PON3: variants seen among roughly 807,000 people sequenced by gnomAD.
PON3 encodes paraoxonase 3, also known as serum paraoxonase/lactonase 3.
In PON3, 37 loss-of-function variants were observed where a neutral mutation model predicts 36.3. The observed-to-expected ratio is 1.02, with a 90% CI of 0.78 to 1.34. The LOEUF is 1.34. PON3 is among the 40% of genes most tolerant of loss of function. The pLI, the probability that PON3 is intolerant of heterozygous loss-of-function variation, is 0.00. For synonymous variants in PON3, 155 were observed against 154.8 expected, an observed-to-expected ratio of 1.00 and a Z score of -0.01; for missense variants, 415 against 426.5, an observed-to-expected ratio of 0.97 and a Z score of 0.24.
chr7:95,385,096 C>T (rs906204859), intron 3 of PON3, among the ~76,000 whole-genome samples: 33 of 152,100 alleles, frequency 2.2e-4, no homozygotes, highest in African/African-American at 7.7e-4. Flanking sequence ...AGCAAACTAT[C>T]GCAAGGACAA....
intron 3 of PON3, 133 bp downstream of exon 3, chr7:95,390,021 T>C (rs1337813448): frequency 1.0e-6 from 1 of 1,004,036 alleles, no homozygotes. Flanking sequence ...TGTTTTGGCT[T>C]TTTTAGTTGA....
Position 95,372,225 on chromosome 7 carries a change from T to C in PON3, c.315A>G (p.Gly105=), listed in dbSNP as rs769354392. The C allele has an allele frequency of 6.2e-7, 1 of 1,613,900 alleles. No individual in the cohort carries two copies. Among genetic ancestry groups the C allele is most frequent in the East Asian group, 2.2e-5 (1 of 44,858 alleles). The change falls in exon 4 of 9, where the codon GGA becomes GGG. Residue 105 remains glycine (G), a synonymous_variant. Transcript: ENST00000265627. ...PRAQALEISG[G]FDKELFNPHG... is the part of the protein sequence containing the mutation. ...GTGGATTAAATAATTCTTTGTCAAATCCACCACTGATTTCTAGCGCTTGTG... is the reference window on the plus strand; with the variant it reads ...GTGGATTAAATAATTCTTTGTCAAACCCACCACTGATTTCTAGCGCTTGTG...
intron 3 of PON3, among the ~76,000 whole-genome samples, chr7:95,387,240 T>A (rs572422230): frequency 2.0e-5 from 3 of 152,284 alleles, no homozygotes; most frequent in Admixed American, 6.5e-5. Context: ...GAAAATCCCA[T>A]CATCTGAGCC....
At chr7:95,381,510 C>A (rs1161859488) in intron 3 of PON3, among the ~76,000 whole-genome samples, 1 of 152,076 alleles carries the variant, frequency 6.6e-6, no homozygotes, top group Non-Finnish European at 1.5e-5. Context: ...AGAGGAAGAT[C>A]TACTAAAGAA....
intron 3 of PON3, among the ~76,000 whole-genome samples, chr7:95,388,154 G>A (rs1457719949): frequency 6.6e-6 from 1 of 152,020 alleles, no homozygotes; most frequent in African/African-American, 2.4e-5. Flanking sequence ...TGAAGAGGTA[G>A]CCTATGGAAT....
At chr7:95,396,007 A>T in intron 1 of PON3, 1 of 497,020 alleles carries the variant, frequency 2.0e-6, no homozygotes, top group Non-Finnish European at 3.7e-6. Flanking sequence ...AGAAAGTAAA[A>T]GGGGGTCATG....
intron 3 of PON3, among the ~76,000 whole-genome samples, chr7:95,382,070 A>G (rs1809068576): frequency 6.6e-6 from 1 of 152,258 alleles, no homozygotes; most frequent in African/African-American, 2.4e-5. Flanking sequence ...ACTGAGCTAC[A>G]TGGAAACTGA....
At chr7:95,365,818 G>A (rs971782170) in intron 5 of PON3, 1 of 152,128 alleles carries the variant, frequency 6.6e-6, no homozygotes, top group Non-Finnish European at 1.5e-5. Context: ...TTGGCTTGTA[G>A]ATATATCACT....
intron 1 of PON3, among the ~76,000 whole-genome samples, chr7:95,395,525 C>G (rs1298644585): frequency 6.6e-6 from 1 of 152,154 alleles, no homozygotes; most frequent in East Asian, 1.9e-4. Flanking sequence ...GCACCAGGCA[C>G]CTCAACAGAT....
intron 3 of PON3, among the ~76,000 whole-genome samples, chr7:95,382,160 C>G (rs1809072427): frequency 6.6e-6 from 1 of 152,112 alleles, no homozygotes; most frequent in South Asian, 2.1e-4. Flanking sequence ...CCGACGAGAA[C>G]AAAGATACAA....
Position 95,372,343 on chromosome 7 carries a change from T to A in PON3, c.202-5A>T. On this transcript the variant is annotated splice_polypyrimidine_tract_variant and splice_region_variant and intron_variant, in intron 3 of 8. Transcript: ENST00000265627. Reference sequence around the variant, plus strand: ...CATGCCTGGATATTTTAATCCCTTTTAAAAATAAAGAACAAGTGTGCACAC... The same window carrying A: ...CATGCCTGGATATTTTAATCCCTTTAAAAAATAAAGAACAAGTGTGCACAC... The A allele has an allele frequency of 1.2e-6, 2 of 1,613,436 alleles. No homozygotes were observed. Among genetic ancestry groups the A allele is most frequent in the South Asian group, 2.2e-5 (2 of 91,076 alleles).
rs150862597 is a variant in PON3, at chr7:95,373,371, A to G, written c.202-1033T>C. On this transcript the variant is annotated intron_variant, in intron 3 of 8. Transcript: ENST00000265627. ...CTGAACAACCCCAGCTATATCTTCAAACTTTTTTTAGAACAGTCCTTCTAT... is the reference window on the plus strand; with the variant it reads ...CTGAACAACCCCAGCTATATCTTCAGACTTTTTTTAGAACAGTCCTTCTAT... 4.0e-3 allele frequency among the ~76,000 whole-genome samples: 613 copies of G among 152,148 alleles called. 7 individuals carry two copies. The highest frequency in any genetic ancestry group is 0.014 in the African/African-American group (570 of 41,530).
At chr7:95,387,864 C>G (rs1410658052) in intron 3 of PON3, among the ~76,000 whole-genome samples, 1 of 152,094 alleles carries the variant, frequency 6.6e-6, no homozygotes, top group Non-Finnish European at 1.5e-5. Context: ...ACAAACCTGA[C>G]AAAAACAAGC....
At chr7:95,384,853 G>A (rs1809151506) in intron 3 of PON3, among the ~76,000 whole-genome samples, 1 of 152,144 alleles carries the variant, frequency 6.6e-6, no homozygotes, top group South Asian at 2.1e-4. Context: ...CCATTACTGG[G>A]TATATACCCA....
chr7:95,377,599 G>A (rs112670216), intron 3 of PON3: 10,285 of 425,572 alleles, frequency 0.024, 919 homozygotes, highest in African/African-American at 0.19. Flanking sequence ...AATATTTGCC[G>A]TTCTGCAGCC....
intron 1 of PON3, among the ~76,000 whole-genome samples, chr7:95,395,502 G>T (rs1809409720): frequency 6.6e-6 from 1 of 152,136 alleles, no homozygotes; most frequent in Non-Finnish European, 1.5e-5. Flanking sequence ...CAAACTGGAA[G>T]TATTACTAAT....
chr7:95,377,199 G>C (rs1029116360), intron 3 of PON3, among the ~76,000 whole-genome samples: 1 of 152,156 alleles, frequency 6.6e-6, no homozygotes, highest in Admixed American at 6.5e-5. Context: ...AGGGGGAGGG[G>C]CATCCACCAT....
intron 2 of PON3, 119 bp downstream of exon 2, chr7:95,394,525 G>A: frequency 1.2e-6 from 1 of 836,284 alleles, no homozygotes; most frequent in Non-Finnish European, 2.0e-6. Flanking sequence ...GGACGGGGCA[G>A]ATGTCCCACT....
Position 95,378,945 on chromosome 7 carries a change from A to G in PON3, c.202-6607T>C, listed in dbSNP as rs184727197. ...AAATGGGCTAAATGCCCCGATTAAA[A>G]GACACAGACTGGCAAATTGGATAGA... is the stretch of plus-strand genomic sequence containing the variant. On this transcript the variant is annotated intron_variant, in intron 3 of 8. Transcript: ENST00000265627. Among the ~76,000 whole-genome samples the G allele has an allele frequency of 3.3e-5, 5 of 152,338 alleles. No homozygotes were observed. The East Asian group carries it at 9.6e-4, about 29-fold the overall frequency.
Sources: allele counts gnomAD v4.1 joint callset (sites outside exome capture counted in the v4.1 genomes callset), GRCh38; gene constraint gnomAD v4.1.1; transcripts MANE v1.5; gene names NCBI Gene and HGNC (gene_info 2026-07-23, HGNC 2026-07-21).